The following TTN variants were observed in gnomAD, a reference collection of about 807,000 sequenced individuals.
TTN encodes connectin.
Under a neutral mutation model 3,223.0 loss-of-function variants are expected in TTN, and 1,525 were observed. The observed-to-expected ratio is 0.47, with a 90% CI of 0.45 to 0.49. The LOEUF (loss-of-function observed/expected upper bound fraction) is 0.49. TTN is among the 20% of genes least tolerant of loss of function. TTN has a pLI of 0.00. For missense variants in TTN, 40,786 were observed against 43,424.0 expected (o/e 0.94, Z 5.40); for synonymous variants, 14,094 against 15,161.0 (o/e 0.93, Z 5.17).
At position 178,625,352 on chromosome 2, in the gene TTN, C is replaced by T. The variant is rs267599051; in HGVS notation, c.44469G>A (p.Arg14823=). 2 of 1,600,178 alleles carry T rather than the reference C, an allele frequency of 1.2e-6. No individual in the cohort carries two copies. The highest frequency in any genetic ancestry group is 1.4e-5 in the African/African-American group (1 of 73,778). ...SEGKVHTLTL[R]DVKLEDAGEV... Reference sequence around the variant, plus strand: ...CCCCAGCATCTTCTAACTTTACATCCCTCAGAGTAAGTGTATGAACTTTTC... The same window carrying T: ...CCCCAGCATCTTCTAACTTTACATCTCTCAGAGTAAGTGTATGAACTTTTC... The change falls in exon 241 of 363, where the codon AGG becomes AGA. Residue 14823 remains arginine (R), a synonymous_variant. Coordinates refer to ENST00000589042, the MANE Select transcript of TTN (RefSeq NM_001267550.2).
intron 113 of TTN, among the ~76,000 whole-genome samples, chr2:178,696,485 A>G (rs945204043): frequency 4.6e-5 from 7 of 151,262 alleles, no homozygotes; most frequent in African/African-American, 1.7e-4. Flanking sequence ...TTTTTCCAGT[A>G]TGAAAAAATG....
intron 38 of TTN, 129 bp downstream of exon 38, chr2:178,768,544 T>G (rs1003572610): frequency 5.8e-6 from 8 of 1,375,522 alleles, no homozygotes; most frequent in Non-Finnish European, 7.9e-6. Context: ...TGCTTCCTTT[T>G]TATTGCTGAA....
At position 178,665,012 on chromosome 2, in the gene TTN, A is replaced by G; in HGVS notation, c.36044-86T>C. ...ACAATAAGTTAGGAAATATAACCAC[A>G]TTTTCTTCTCTTTCCTCCATCCTCC... On this transcript the variant is annotated intron_variant, in intron 165 of 362. Transcript: ENST00000589042. 5 of 1,424,966 alleles carry G rather than the reference A, an allele frequency of 3.5e-6. No homozygotes were observed. In the South Asian group the frequency reaches 6.2e-5, roughly 18 times the overall value. 88.3% of individuals were successfully genotyped at this position (1,424,966 alleles called of 1,614,324 possible).
rs777682199 is a variant in TTN at position 178,704,573 on chromosome 2, C to T, written c.29899G>A (p.Asp9967Asn). ...TLRVKNCQLKDQGNYRLVCGP... is the reference protein window; with the variant it reads ...TLRVKNCQLKNQGNYRLVCGP... The stretch of plus-strand genomic sequence containing the variant: ...CAAACCAATCGATAATTGCCCTGGT[C>T]TTTAAGTTGACAGTTTTTGACTCTG... The change falls in exon 105 of 363, where the codon GAC becomes AAC. Residue 9967 changes from aspartate to asparagine, a missense_variant. Physicochemically the swap from Asp to Asn is conservative, Grantham distance 23. Coordinates refer to ENST00000589042, the MANE Select transcript of TTN (RefSeq NM_001267550.2). The T allele has an allele frequency of 6.2e-7, 1 of 1,613,604 alleles. No individual in the cohort carries two copies. The highest frequency in any genetic ancestry group is 1.1e-5 in the South Asian group (1 of 90,982).
At position 178,537,036 on chromosome 2, in the gene TTN, T is replaced by G; in HGVS notation, c.100073A>C (p.Glu33358Ala). The change falls in exon 356 of 363, where the codon GAA (glutamate) becomes GCA (alanine). Residue 33358 changes from glutamate (E) to alanine (A), a missense_variant. Transcript: ENST00000589042. ...VTTCRIVNLT[E>A]NAGYYFRVSA... ...AACCCGGAAGTAATAGCCAGCATTT[T>G]CTGTGAGGTTCACAATTCTACAGGT... is the stretch of plus-strand genomic sequence containing the variant. 2 of 1,613,316 alleles carry G rather than the reference T, an allele frequency of 1.2e-6. No individual in the cohort carries two copies. The highest frequency in any genetic ancestry group is 1.7e-6 in the Non-Finnish European group (2 of 1,179,578).
Position 178,608,171 on chromosome 2 carries a change from T to G in TTN, c.52705+7A>C. 1 of 1,600,836 alleles carries G rather than the reference T, an allele frequency of 6.2e-7. No homozygotes were observed. Among genetic ancestry groups the G allele is most frequent in the Non-Finnish European group, 8.5e-7 (1 of 1,173,544 alleles). Reference sequence around the variant, plus strand: ...CTACTCCACCTTCTTCTTAAGGAACTACTTACAGATTGGATCATGTGCTGT... The same window carrying G: ...CTACTCCACCTTCTTCTTAAGGAACGACTTACAGATTGGATCATGTGCTGT... On this transcript the variant is annotated splice_region_variant and intron_variant, in intron 275 of 362. Coordinates refer to ENST00000589042, the MANE Select transcript of TTN (RefSeq NM_001267550.2).
In TTN at chr2:178,697,126, G is replaced by C. The variant is rs765103465; in HGVS notation, c.30797C>G (p.Ala10266Gly). Residue 10266 changes from alanine (A) to glycine (G), a missense_variant, in exon 113 of 363, where the codon GCA (alanine) becomes GGA (glycine). By Grantham distance (60) the Ala-to-Gly change is moderately conservative. Coordinates refer to ENST00000589042, the MANE Select transcript of TTN (RefSeq NM_001267550.2). Reference protein sequence around the residue: ...KPPPPTTLIPAKAPEIIDVSS... With the variant: ...KPPPPTTLIPGKAPEIIDVSS... ...AATAATTTATCTTTATTTACCTTTT[G>C]CTGGAATTAAGGTAGTAGGAGGTGG... 6.5e-7 allele frequency: 1 copy of C among 1,549,804 alleles called. No individual in the cohort carries two copies. Among genetic ancestry groups the C allele is most frequent in the Non-Finnish European group, 8.7e-7 (1 of 1,145,050 alleles).
intron 308 of TTN, among the ~76,000 whole-genome samples, chr2:178,585,740 C>T (rs1212317006): frequency 6.6e-6 from 1 of 152,076 alleles, no homozygotes; most frequent in Non-Finnish European, 1.5e-5. Flanking sequence ...TTTCCAGCTT[C>T]ATCCATGTCC....
chr2:178,699,033 C>G, intron 111 of TTN, 119 bp from the exon 112 acceptor site: 1 of 1,049,742 alleles, frequency 9.5e-7, no homozygotes, highest in South Asian at 1.7e-5. Flanking sequence ...TTGATAGTAG[C>G]GAGATTCTGC....
At position 178,741,116 on chromosome 2, in the gene TTN, G is replaced by A. The variant is rs55895721; in HGVS notation, c.12117C>T (p.Pro4039=). 3.7e-3 allele frequency: 6,010 copies of A among 1,613,698 alleles called. 182 individuals carry two copies. The African/African-American group carries it at 0.071, about 19-fold the overall frequency. The change falls in exon 48 of 363, where the codon CCC becomes CCT. Residue 4039 remains proline (P), a synonymous_variant. Coordinates refer to ENST00000589042, the MANE Select transcript of TTN (RefSeq NM_001267550.2). ...CCTCTGGTGTGGACTTTGCTTTGCAGGGGGTATCAGTCATGTCTGTGTCTT... is the reference window on the plus strand; with the variant it reads ...CCTCTGGTGTGGACTTTGCTTTGCAAGGGGTATCAGTCATGTCTGTGTCTT... ...LLEDTDMTDT[P]CKAKSTPEAP...
rs548211686 is a variant in TTN at position 178,562,488 on chromosome 2, T to C, written c.83644A>G (p.Ile27882Val). The C allele has an allele frequency of 2.5e-6, 4 of 1,613,386 alleles. No homozygotes were observed. In the East Asian group the frequency reaches 6.7e-5, roughly 27 times the overall value. Reference sequence around the variant, plus strand: ...TCACTTTCTGGTTTCTCCCACTTAATTGTAGCTGTATTACGGGTCACATCA... The same window carrying C: ...TCACTTTCTGGTTTCTCCCACTTAACTGTAGCTGTATTACGGGTCACATCA... ...LVDVTRNTAT[I>V]KWEKPESDGG... The change falls in exon 326 of 363, where the codon ATT (isoleucine) becomes GTT (valine). Residue 27882 changes from isoleucine (I) to valine (V), a missense_variant. By Grantham distance (29) the Ile-to-Val change is conservative. Transcript: ENST00000589042.
intron 201 of TTN, 47 bp downstream of exon 201, chr2:178,652,606 G>C (rs1233100353): frequency 1.9e-6 from 3 of 1,612,044 alleles, no homozygotes; most frequent in Non-Finnish European, 2.5e-6. Flanking sequence ...ATATTTTCAA[G>C]AGTAGAAGAG....
chr2:178,531,465 T>A lies in TTN; in HGVS notation c.105150A>T (p.Arg35050Ser), dbSNP rs755163443. 1 of 1,613,796 alleles carries A rather than the reference T, an allele frequency of 6.2e-7. No individual in the cohort carries two copies. The highest frequency in any genetic ancestry group is 2.2e-5 in the East Asian group (1 of 44,888). Residue 35050 changes from arginine to serine, a missense_variant, in exon 358 of 363, where the codon AGA becomes AGT. Transcript: ENST00000589042. ...TTCTTGTCAGCTCAGGGAAAACAGA[T>A]CTGGGGACCTCTTCATCTCTGCGTT... ...ASQRRDEEVPRSVFPELTRTE... is the reference protein window; with the variant it reads ...ASQRRDEEVPSSVFPELTRTE...
rs557767596 is a variant in TTN, at chr2:178,747,117, A to G, written c.11312-5196T>C. 4 of 1,605,794 alleles carry G rather than the reference A, an allele frequency of 2.5e-6. No homozygotes were observed. The highest frequency in any genetic ancestry group is 3.4e-5 in the Admixed American group (2 of 59,474). On this transcript the variant is annotated intron_variant, in intron 47 of 362. Coordinates refer to ENST00000589042, the MANE Select transcript of TTN (RefSeq NM_001267550.2). The stretch of plus-strand genomic sequence containing the variant: ...AGAGTCTCTCCTGGGGGTGTGGAGT[A>G]TCTCTCCAGAGTCTCTCCTGGGGGT...
rs759291854 is a variant in TTN, at chr2:178,591,617, C to T, written c.60202G>A (p.Glu20068Lys). 1.9e-6 allele frequency: 3 copies of T among 1,612,430 alleles called. No homozygotes were observed. Among genetic ancestry groups the T allele is most frequent in the South Asian group, 1.1e-5 (1 of 90,514 alleles). ...AAATTACCTAGTTTTTCTTGACATTCTATCGGGATAGTTGTGTCAGGGAGA... is the reference window on the plus strand; with the variant it reads ...AAATTACCTAGTTTTTCTTGACATTTTATCGGGATAGTTGTGTCAGGGAGA... ...LGLPDTTIPIECQEKLVPPSV... is the reference protein window; with the variant it reads ...LGLPDTTIPIKCQEKLVPPSV... The change falls in exon 303 of 363, where the codon GAA (glutamate) becomes AAA (lysine). Residue 20068 changes from glutamate to lysine, a missense_variant. Coordinates refer to ENST00000589042, the MANE Select transcript of TTN (RefSeq NM_001267550.2).
Position 178,533,320 on chromosome 2 carries a change from C to A in TTN, c.103295G>T (p.Gly34432Val), listed in dbSNP as rs1236834777. 1 of 1,613,848 alleles carries A rather than the reference C, an allele frequency of 6.2e-7. No homozygotes were observed. Among genetic ancestry groups the A allele is most frequent in the Non-Finnish European group, 8.5e-7 (1 of 1,179,858 alleles). Residue 34432 changes from glycine (G) to valine (V), a missense_variant, in exon 358 of 363, where the codon GGT (glycine) becomes GTT (valine). Coordinates refer to ENST00000589042, the MANE Select transcript of TTN (RefSeq NM_001267550.2). ...HIRDTLPEDT[G>V]YYRVTATNTA... ...GTTAGTGGCTGTGACTCTATAATAACCCGTGTCTTCAGGCAAAGTGTCCCT... is the reference window on the plus strand; with the variant it reads ...GTTAGTGGCTGTGACTCTATAATAAACCGTGTCTTCAGGCAAAGTGTCCCT...
In TTN at chr2:178,706,565, C is replaced by T. The variant is rs368309068; in HGVS notation, c.29309G>A (p.Arg9770Gln). The stretch of plus-strand genomic sequence containing the variant: ...ACCATGTTCGTTAAATGCCACGCAT[C>T]GGTATAACCCAGAATCAGTTTTTGT... The part of the protein sequence containing the change: ...DTTKTDSGLY[R>Q]CVAFNEHGEI... Residue 9770 changes from arginine (R) to glutamine (Q), a missense_variant, in exon 102 of 363, where the codon CGA (arginine) becomes CAA (glutamine). Coordinates refer to ENST00000589042, the MANE Select transcript of TTN (RefSeq NM_001267550.2). 130 of 1,613,878 alleles carry T rather than the reference C, an allele frequency of 8.1e-5. No individual in the cohort carries two copies. Among genetic ancestry groups the T allele is most frequent in the Non-Finnish European group, 9.4e-5 (111 of 1,179,844 alleles).
intron 316 of TTN, among the ~76,000 whole-genome samples, 159 bp downstream of exon 316, chr2:178,581,340 A>G (rs2047693885): frequency 6.6e-6 from 1 of 152,044 alleles, no homozygotes; most frequent in Non-Finnish European, 1.5e-5. Flanking sequence ...CCTGTTCCAC[A>G]ATACCGTAAA....
chr2:178,747,911 T>C lies in TTN; in HGVS notation c.11311+5213A>G, dbSNP rs144905085. 1.6e-4 allele frequency: 264 copies of C among 1,613,184 alleles called. No individual in the cohort carries two copies. In the African/African-American group the frequency reaches 3.1e-3, roughly 19 times the overall value. On this transcript the variant is annotated intron_variant, in intron 47 of 362. Transcript: ENST00000589042. The stretch of plus-strand genomic sequence containing the variant: ...TTCAGTCATCAAGAGTGGGAAGCAC[T>C]GACTCAGGGAGAGCTGTCTATGGAG...
Sources: gnomAD v4.1 joint callset for allele counts (sites outside exome capture counted in the v4.1 genomes callset) on GRCh38, gnomAD v4.1.1 for gene constraint, MANE v1.5 for transcripts, NCBI Gene and HGNC (gene_info 2026-07-23, HGNC 2026-07-21) for gene names.